Variants in KCNN2 observed in about 807,000 individuals in gnomAD.
The protein encoded by KCNN2 is potassium calcium-activated channel subfamily N member 2.
A neutral mutation model predicts 55.5 loss-of-function variants in KCNN2; 24 were observed. The observed-to-expected ratio is 0.43, with a 90% CI of 0.31 to 0.61. The LOEUF is 0.61. Among genes scored for constraint, KCNN2 ranks in the 20% least tolerant of loss-of-function variants. The pLI is 0.08. For missense variants in KCNN2, 754 were observed against 853.6 expected, an observed-to-expected ratio of 0.88 and a Z score of 1.45; for synonymous variants, 431 against 336.1, an observed-to-expected ratio of 1.28 and a Z score of -3.09.
intron 2 of KCNN2, among the ~76,000 whole-genome samples, chr5:114,269,765 T>C (rs1580677359): frequency 6.6e-6 from 1 of 152,304 alleles, no homozygotes; most frequent in South Asian, 2.1e-4. Flanking sequence ...AAAGTTCATA[T>C]TGCAAACTAA....
intron 1 of KCNN2, among the ~76,000 whole-genome samples, chr5:114,064,233 G>A (rs1281784987): frequency 6.6e-6 from 1 of 152,218 alleles, no homozygotes; most frequent in Non-Finnish European, 1.5e-5. Context: ...ACTTTGTGCA[G>A]ACACACTGTT....
chr5:114,339,814 C>CAAA, intron 2 of KCNN2, among the ~76,000 whole-genome samples: 1 of 147,258 alleles, frequency 6.8e-6, no homozygotes, highest in Non-Finnish European at 1.5e-5. Context: ...AACAAACAAA[C>CAAA]AAATAAATAA....
chr5:114,157,419 G>C (rs1320122097), intron 1 of KCNN2, among the ~76,000 whole-genome samples: 1 of 151,966 alleles, frequency 6.6e-6, no homozygotes. Context: ...TGGACATTTG[G>C]GTTGGTTCCA....
intron 3 of KCNN2, among the ~76,000 whole-genome samples, chr5:114,427,337 A>T (rs1759660199): frequency 6.6e-6 from 1 of 152,250 alleles, no homozygotes; most frequent in African/African-American, 2.4e-5. Context: ...GGGAGAAAGA[A>T]GACAAGGGAG....
chr5:114,174,617 C>G (rs1005842879), intron 1 of KCNN2, among the ~76,000 whole-genome samples: 1 of 152,206 alleles, frequency 6.6e-6, no homozygotes, highest in Admixed American at 6.5e-5. Context: ...TCAGCTATAT[C>G]CAGTCATGCT....
intron 1 of KCNN2, among the ~76,000 whole-genome samples, chr5:114,072,055 G>T (rs1400926257): frequency 6.6e-6 from 1 of 152,202 alleles, no homozygotes; most frequent in Non-Finnish European, 1.5e-5. Flanking sequence ...CACTTTGGGA[G>T]GCCAAGGTGG....
intron 2 of KCNN2, among the ~76,000 whole-genome samples, chr5:114,246,670 A>G (rs1000500102): frequency 9.9e-5 from 15 of 152,182 alleles, no homozygotes; most frequent in African/African-American, 3.6e-4. Flanking sequence ...TCCCAAGGAT[A>G]TGTCCATAGT....
rs1039509816 is a variant in KCNN2, at chr5:114,493,280, C to T, written c.2019-123C>T. On this transcript the variant is annotated intron_variant, in intron 6 of 7. Transcript: ENST00000673685. Reference sequence around the variant, plus strand: ...ACACATAACCAGTTTGGACTTACCCCAAATGTTCAAGGCATTATCCATGCA... The same window carrying T: ...ACACATAACCAGTTTGGACTTACCCTAAATGTTCAAGGCATTATCCATGCA... 15 of 757,562 alleles carry T rather than the reference C, an allele frequency of 2.0e-5. No individual in the cohort carries two copies. The African/African-American group carries it at 2.4e-4, about 12-fold the overall frequency. 46.9% of individuals were successfully genotyped at this position (757,562 alleles called of 1,614,324 possible).
At chr5:114,421,457 A>C (rs1404434813) in intron 3 of KCNN2, among the ~76,000 whole-genome samples, 1 of 151,248 alleles carries the variant, frequency 6.6e-6, no homozygotes, top group Non-Finnish European at 1.5e-5. Context: ...TGCCCGGCTA[A>C]TTTTTGTATT....
intron 1 of KCNN2, among the ~76,000 whole-genome samples, chr5:114,172,684 A>C (rs903146654): frequency 6.0e-5 from 9 of 150,646 alleles, no homozygotes; most frequent in African/African-American, 2.2e-4. Context: ...CATTTCTCTG[A>C]TGATCAGTGA....
At chr5:114,088,526 A>T (rs1443070117) in intron 1 of KCNN2, among the ~76,000 whole-genome samples, 1 of 151,786 alleles carries the variant, frequency 6.6e-6, no homozygotes, top group Non-Finnish European at 1.5e-5. Flanking sequence ...ATTAGTATCT[A>T]TTGTTTTTCT....
At chr5:114,147,941 T>C (rs916980361) in intron 1 of KCNN2, among the ~76,000 whole-genome samples, 3 of 152,168 alleles carry the variant, frequency 2.0e-5, no homozygotes, top group Non-Finnish European at 4.4e-5. Context: ...AGGTAAAACA[T>C]TGAATTAATT....
At chr5:114,100,806 G>A (rs1024303044) in intron 1 of KCNN2, among the ~76,000 whole-genome samples, 8 of 152,168 alleles carry the variant, frequency 5.3e-5, no homozygotes, top group Middle Eastern at 3.4e-3. Context: ...TTCAAAACCC[G>A]ATATGGAGAT....
intron 1 of KCNN2, among the ~76,000 whole-genome samples, chr5:114,150,414 G>A (rs1752497820): frequency 6.6e-6 from 1 of 152,100 alleles, no homozygotes; most frequent in Non-Finnish European, 1.5e-5. Flanking sequence ...CCATTCTTTT[G>A]CCTATAACAG....
chr5:114,277,293 G>A (rs1755511682), intron 2 of KCNN2, among the ~76,000 whole-genome samples: 1 of 152,060 alleles, frequency 6.6e-6, no homozygotes, highest in African/African-American at 2.4e-5. Context: ...TTCAACCTTG[G>A]TGAATCTGAC....
intron 2 of KCNN2, among the ~76,000 whole-genome samples, chr5:114,310,293 C>A (rs1273936017): frequency 2.0e-5 from 3 of 152,104 alleles, no homozygotes; most frequent in Non-Finnish European, 4.4e-5. Context: ...AGTGCTCCCG[C>A]CCCAGTACTC....
chr5:114,170,097 A>G (rs1009602191), intron 1 of KCNN2, among the ~76,000 whole-genome samples: 1 of 152,138 alleles, frequency 6.6e-6, no homozygotes, highest in Non-Finnish European at 1.5e-5. Flanking sequence ...TTCAATAATT[A>G]TCAAAAACTG....
At chr5:114,093,295 G>T (rs1751187613) in intron 1 of KCNN2, among the ~76,000 whole-genome samples, 1 of 152,120 alleles carries the variant, frequency 6.6e-6, no homozygotes, top group African/African-American at 2.4e-5. Context: ...GACCACCTCA[G>T]CCTGGACTTC....
At chr5:114,110,932 A>G (rs989293680) in intron 1 of KCNN2, among the ~76,000 whole-genome samples, 2 of 151,852 alleles carry the variant, frequency 1.3e-5, no homozygotes, top group African/African-American at 2.4e-5. Flanking sequence ...CATTATTCCT[A>G]CCCTCAGAAT....
Sources: gnomAD v4.1 joint callset for allele counts (sites outside exome capture counted in the v4.1 genomes callset) on GRCh38, gnomAD v4.1.1 for gene constraint, MANE v1.5 for transcripts, NCBI Gene and HGNC (gene_info 2026-07-23, HGNC 2026-07-21) for gene names.